SLC1A1: variants seen among roughly 807,000 people sequenced by gnomAD.
SLC1A1 encodes the protein solute carrier family 1 member 1, also known as excitatory amino acid transporter 3.
In SLC1A1, 43 loss-of-function variants were observed where a neutral mutation model predicts 53.3. The ratio of observed to expected loss-of-function variants is 0.81; its 90% CI spans 0.63 to 1.04. SLC1A1 has a LOEUF of 1.04. Ranked by LOEUF, SLC1A1 falls within the 50% of genes least tolerant of loss-of-function variation. The pLI is 0.00. For missense variants in SLC1A1, 748 were observed against 664.9 expected (o/e 1.12, Z -1.37); for synonymous variants, 307 against 243.2 (o/e 1.26, Z -2.44).
intron 1 of SLC1A1, among the ~76,000 whole-genome samples, chr9:4,525,234 C>T (rs1816217522): frequency 6.6e-6 from 1 of 152,242 alleles, no homozygotes; most frequent in East Asian, 1.9e-4. Context: ...GAAAGTTTGC[C>T]ATTTGTCCAT....
intron 10 of SLC1A1, among the ~76,000 whole-genome samples, chr9:4,578,526 A>G (rs1209393222): frequency 6.6e-6 from 1 of 152,166 alleles, no homozygotes; most frequent in Non-Finnish European, 1.5e-5. Context: ...AAAACCCAAG[A>G]GGGAGAGGGA....
intron 8 of SLC1A1, among the ~76,000 whole-genome samples, chr9:4,574,911 C>T (rs952970273): frequency 3.3e-5 from 5 of 152,156 alleles, no homozygotes; most frequent in Non-Finnish European, 5.9e-5. Flanking sequence ...AACACAGAGG[C>T]AGATTTGGTC....
chr9:4,531,835 C>T (rs565418425), intron 1 of SLC1A1, among the ~76,000 whole-genome samples: 3 of 152,270 alleles, frequency 2.0e-5, no homozygotes, highest in Non-Finnish European at 1.5e-5. Flanking sequence ...CCTCACATGG[C>T]AGGGTAACCC....
At chr9:4,492,114 C>T (rs2130785446) in intron 1 of SLC1A1, among the ~76,000 whole-genome samples, 1 of 152,162 alleles carries the variant, frequency 6.6e-6, no homozygotes, top group Admixed American at 6.5e-5. Flanking sequence ...CAAATCTTGA[C>T]TATTTCCCCC....
chr9:4,491,737 T>G (rs1180958090), intron 1 of SLC1A1, among the ~76,000 whole-genome samples: 1 of 152,224 alleles, frequency 6.6e-6, no homozygotes, highest in African/African-American at 2.4e-5. Flanking sequence ...TGAGGGCTGT[T>G]GCACCCTCTG....
intron 1 of SLC1A1, among the ~76,000 whole-genome samples, chr9:4,504,619 G>A (rs1025585757): frequency 2.6e-5 from 4 of 152,220 alleles, no homozygotes; most frequent in African/African-American, 9.6e-5. Context: ...AGACTGAAGA[G>A]ATTCTGAGTT....
At position 4,549,504 on chromosome 9, in the gene SLC1A1, G is replaced by A. The variant is rs966846665; in HGVS notation, c.232+4797G>A. 2.0e-5 allele frequency among the ~76,000 whole-genome samples: 3 copies of A among 152,182 alleles called. No homozygotes were observed. The highest frequency in any genetic ancestry group is 4.8e-5 in the African/African-American group (2 of 41,446). Reference sequence around the variant, plus strand: ...AAGGGGCTCCCAGGGCCTCTTAACAGGGATGCCCCTCTGCTTAGCTGCTTG... The same window carrying A: ...AAGGGGCTCCCAGGGCCTCTTAACAAGGATGCCCCTCTGCTTAGCTGCTTG... On this transcript the variant is annotated intron_variant, in intron 2 of 11. Coordinates refer to ENST00000262352, the MANE Select transcript of SLC1A1 (RefSeq NM_004170.6). This position sits in a 1 kb window ranked among gnomAD's most constrained non-coding sequence, Gnocchi z 4.1.
intron 2 of SLC1A1, among the ~76,000 whole-genome samples, chr9:4,557,406 C>T (rs1818515288): frequency 6.6e-6 from 1 of 152,198 alleles, no homozygotes; most frequent in Non-Finnish European, 1.5e-5. Flanking sequence ...CGAGCACCCA[C>T]TAAATGCTAA....
At position 4,585,479 on chromosome 9, in the gene SLC1A1, C is replaced by G; in HGVS notation, c.1496C>G (p.Thr499Ser). The change falls in exon 12 of 12, where the codon ACC becomes AGC. Residue 499 changes from threonine (T) to serine (S), a missense_variant. Thr to Ser is a moderately conservative substitution (Grantham distance 58). Coordinates refer to ENST00000262352, the MANE Select transcript of SLC1A1 (RefSeq NM_004170.6). ...STILDNEDSDTKKSYVNGGFA... is the reference protein window; with the variant it reads ...STILDNEDSDSKKSYVNGGFA... ...ATCCTTGACAACGAAGACTCAGACA[C>G]CAAGAAGTCTTATGTCAATGGAGGC... The G allele has an allele frequency of 6.2e-7, 1 of 1,614,166 alleles. No homozygotes were observed.
intron 1 of SLC1A1, among the ~76,000 whole-genome samples, chr9:4,520,258 A>G (rs1816021419): frequency 6.6e-6 from 1 of 152,214 alleles, no homozygotes. Flanking sequence ...AAAATGTCAC[A>G]TCTTTGGCAA....
chr9:4,583,192 C>T lies in SLC1A1; in HGVS notation c.1328+20C>T, dbSNP rs1414794892. 6.8e-6 allele frequency: 11 copies of T among 1,614,188 alleles called. No homozygotes were observed. Among genetic ancestry groups the T allele is most frequent in the Non-Finnish European group, 9.3e-6 (11 of 1,180,018 alleles). On this transcript the variant is annotated intron_variant, in intron 11 of 11. Coordinates refer to ENST00000262352, the MANE Select transcript of SLC1A1 (RefSeq NM_004170.6). The surrounding 1 kb of genome is among the most constrained non-coding windows in gnomAD (Gnocchi z 4.6). ...GCTCCTGTGAGTTGGAATAAATGCA[C>T]TGCCTTAGCTGGATGTGCAGGCGGG...
Position 4,583,212 on chromosome 9 carries a change from G to A in SLC1A1, c.1328+40G>A, listed in dbSNP as rs545527422. The A allele has an allele frequency of 1.2e-6, 2 of 1,613,222 alleles. No homozygotes were observed. The highest frequency in any genetic ancestry group is 4.5e-5 in the East Asian group (2 of 44,876). On this transcript the variant is annotated intron_variant, in intron 11 of 11. Transcript: ENST00000262352. This position sits in a 1 kb window ranked among gnomAD's most constrained non-coding sequence, Gnocchi z 4.6. ...ATGCACTGCCTTAGCTGGATGTGCA[G>A]GCGGGCTTCCCAGCCTCGCAGGCGC...
chr9:4,501,387 G>A (rs948089425), intron 1 of SLC1A1, among the ~76,000 whole-genome samples: 1 of 151,432 alleles, frequency 6.6e-6, no homozygotes, highest in Non-Finnish European at 1.5e-5. Flanking sequence ...CCTCAGAGAG[G>A]GTCCACATGG....
intron 1 of SLC1A1, among the ~76,000 whole-genome samples, chr9:4,517,244 C>G (rs905042680): frequency 6.6e-6 from 1 of 152,192 alleles, no homozygotes; most frequent in Non-Finnish European, 1.5e-5. Context: ...ACTCTCACAT[C>G]CAAGGTTCAT....
chr9:4,568,448 T>A (rs938231891), intron 6 of SLC1A1, among the ~76,000 whole-genome samples: 2 of 149,170 alleles, frequency 1.3e-5, no homozygotes, highest in Admixed American at 1.3e-4. Context: ...AGGCTGGGCA[T>A]GGTGGCTCAC....
intron 1 of SLC1A1, among the ~76,000 whole-genome samples, chr9:4,530,807 T>C (rs1255183298): frequency 6.6e-6 from 1 of 152,246 alleles, no homozygotes; most frequent in Non-Finnish European, 1.5e-5. Context: ...AATGCAAAAG[T>C]GTTATTGCCT....
intron 1 of SLC1A1, among the ~76,000 whole-genome samples, chr9:4,496,459 G>T (rs1275634000): frequency 9.9e-5 from 15 of 152,012 alleles, no homozygotes; most frequent in African/African-American, 3.4e-4. Context: ...GCTTCAAGCT[G>T]TCCTCCTGCC....
In SLC1A1 at chr9:4,576,032, CT is replaced by C; in HGVS notation, c.908del (p.Leu303ArgfsTer5). The C allele has an allele frequency of 6.2e-7, 1 of 1,614,044 alleles. No homozygotes were observed. Among genetic ancestry groups the C allele is most frequent in the South Asian group, 1.1e-5 (1 of 91,084 alleles). On this transcript the variant is annotated frameshift_variant, in exon 9 of 12. Transcript: ENST00000262352. LOFTEE classifies it high-confidence loss of function. ...AATCCACTCCATTGTAATTCTCCCG[CT>C]GATATATTTCATAGTCGTACGAAAG... ...LAIHSIVILP[L>X]IYFIVVRKNP...
At chr9:4,500,599 C>A (rs1253999525) in intron 1 of SLC1A1, among the ~76,000 whole-genome samples, 1 of 152,194 alleles carries the variant, frequency 6.6e-6, no homozygotes, top group Non-Finnish European at 1.5e-5. Context: ...GTGTGAGCCA[C>A]TGCACTGCGC....
Sources: gnomAD v4.1 joint callset for allele counts (sites outside exome capture counted in the v4.1 genomes callset) on GRCh38, gnomAD v4.1.1 for gene constraint, Gnocchi (gnomAD v3.1) non-coding constraint, MANE v1.5 for transcripts, NCBI Gene and HGNC (gene_info 2026-07-23, HGNC 2026-07-21) for gene names.